Variants in RNF135 observed in about 807,000 individuals in gnomAD.
RNF135 encodes ring finger protein 135, also known as E3 ubiquitin-protein ligase RNF135.
Under a neutral mutation model 41.9 loss-of-function variants are expected in RNF135, and 46 were observed. The observed-to-expected ratio is 1.10, with a 90% CI of 0.87 to 1.40. RNF135 has a LOEUF of 1.40. RNF135 is among the 40% of genes most tolerant of loss of function. The pLI, the probability that RNF135 is intolerant of heterozygous loss-of-function variation, is 0.00. For missense variants in RNF135, 539 were observed against 549.8 expected (o/e 0.98, Z 0.20); for synonymous variants, 238 against 223.8 (o/e 1.06, Z -0.57).
At chr17:30,960,126 G>C in the RNF135 span, among the ~76,000 whole-genome samples, 1 of 152,090 alleles carries the variant, frequency 6.6e-6, no homozygotes, top group Non-Finnish European at 1.5e-5. Flanking sequence ...GGGCACGGTG[G>C]CTCACGCCTA....
chr17:30,998,709 G>A lies in RNF135; in HGVS notation c.817G>A (p.Glu273Lys), dbSNP rs1567751133. The A allele has an allele frequency of 6.2e-7, 1 of 1,613,836 alleles. No individual in the cohort carries two copies. The highest frequency in any genetic ancestry group is 1.7e-5 in the Admixed American group (1 of 59,942). Residue 273 changes from glutamate to lysine, a missense_variant, in exon 5 of 5, where the codon GAG becomes AAG. Coordinates refer to ENST00000328381, the MANE Select transcript of RNF135 (RefSeq NM_032322.4). ...CTTGAAGAGCCTTTCCTGCAGCCTG[G>A]AGGTGTCCAAGGATTCCCGTACAGT... ...FNLKSLSCSLEVSKDSRTVTV... is the reference protein window; with the variant it reads ...FNLKSLSCSLKVSKDSRTVTV...
intron 1 of RNF135, chr17:30,975,763 A>G: frequency 8.6e-7 from 1 of 1,169,544 alleles, no homozygotes; most frequent in Non-Finnish European, 1.3e-6. Flanking sequence ...GTCATCGGGT[A>G]CCCTCTTTCC....
chr17:30,984,862 A>AAAGATTGAGACTTATT, intron 2 of RNF135, 102 bp downstream of exon 2: 3 of 1,257,994 alleles, frequency 2.4e-6, no homozygotes, highest in Non-Finnish European at 3.5e-6. Flanking sequence ...GGATACAATA[A>AAAGATTGAGACTTATT]GTCTCAATCT....
chr17:30,994,062 C>G (rs1170549547), intron 3 of RNF135, among the ~76,000 whole-genome samples: 1 of 152,196 alleles, frequency 6.6e-6, no homozygotes, highest in Admixed American at 6.5e-5. Flanking sequence ...GCCTCAACCT[C>G]CCAAAGTTGT....
At chr17:30,982,132 G>A (rs545418796) in intron 1 of RNF135, among the ~76,000 whole-genome samples, 1 of 152,328 alleles carries the variant, frequency 6.6e-6, no homozygotes, top group South Asian at 2.1e-4. Flanking sequence ...CCTTCATGGT[G>A]GCACATTCAC....
the RNF135 span, among the ~76,000 whole-genome samples, chr17:30,963,936 G>A: frequency 9.2e-5 from 14 of 152,114 alleles, no homozygotes; most frequent in African/African-American, 2.9e-4. Flanking sequence ...ACAGCATAGC[G>A]TTCAAGATCT....
In RNF135 at chr17:30,971,305, C is replaced by A. The variant is rs1475624087; in HGVS notation, c.232C>A (p.Leu78Met). The A allele has an allele frequency of 3.3e-6, 5 of 1,533,640 alleles. No individual in the cohort carries two copies. The highest frequency in any genetic ancestry group is 4.4e-6 in the Non-Finnish European group (5 of 1,143,474). The stretch of plus-strand genomic sequence containing the variant: ...GCCGCACCTGCGGAAGAACACGCTA[C>A]TGCAGGACCTGGCCGACAAGTACCG... ...QQPHLRKNTL[L>M]QDLADKYRRA... The change falls in exon 1 of 5, where the codon CTG becomes ATG. Residue 78 changes from leucine to methionine, a missense_variant. Leu to Met is a conservative substitution (Grantham distance 15, BLOSUM62 2). Transcript: ENST00000328381.
intron 1 of RNF135, among the ~76,000 whole-genome samples, chr17:30,976,352 A>G (rs968537397): frequency 8.5e-5 from 13 of 152,182 alleles, no homozygotes; most frequent in Admixed American, 1.3e-4. Context: ...GTGACCTGAC[A>G]TATGTTAGGT....
intron 1 of RNF135, 60 bp downstream of exon 1, chr17:30,971,505 T>C (rs904073349): frequency 2.1e-6 from 3 of 1,424,804 alleles, no homozygotes; most frequent in Non-Finnish European, 2.7e-6. Flanking sequence ...GCCTGACCCT[T>C]TCCCATGTGG....
chr17:30,971,255 C>T lies in RNF135; in HGVS notation c.182C>T (p.Thr61Ile). Residue 61 changes from threonine to isoleucine, a missense_variant, in exon 1 of 5, where the codon ACT becomes ATT. This residue lies in a region of RNF135 where 277 missense variants were observed against 212.8 expected (regional missense o/e 1.30). Transcript: ENST00000328381. Reference sequence around the variant, plus strand: ...GACGCCCGCCGCTGGGCCTGCCCCACTTGCCGCCAGGGCGCCGCGCAGCAG... The same window carrying T: ...GACGCCCGCCGCTGGGCCTGCCCCATTTGCCGCCAGGGCGCCGCGCAGCAG... ...ARDARRWACPTCRQGAAQQPH... is the reference protein window; with the variant it reads ...ARDARRWACPICRQGAAQQPH... 2.0e-6 allele frequency: 3 copies of T among 1,522,450 alleles called. No individual in the cohort carries two copies. The highest frequency in any genetic ancestry group is 2.6e-6 in the Non-Finnish European group (3 of 1,140,166). The allele number at this position is 1,522,450 out of a possible 1,614,324, so 94.3% of individuals were successfully genotyped here. A position where few individuals can be genotyped will look rare whatever the true frequency, so the allele number is the denominator to read the frequency against.
At chr17:30,979,534 C>CCCG (rs1555573172) in intron 1 of RNF135, among the ~76,000 whole-genome samples, 2 of 52,592 alleles carry the variant, frequency 3.8e-5, no homozygotes, top group Admixed American at 2.7e-4. Flanking sequence ...GCTGGCCGAC[C>CCCG]CCCCCCCCCC....
chr17:30,983,683 C>T (rs1448943649), intron 1 of RNF135, among the ~76,000 whole-genome samples: 2 of 151,656 alleles, frequency 1.3e-5, no homozygotes, highest in Non-Finnish European at 2.9e-5. Flanking sequence ...AGCCACCATT[C>T]TGTCTTCCAT....
At chr17:30,966,487 A>C (rs1275703445), upstream of RNF135, among the ~76,000 whole-genome samples, 1 of 142,950 alleles carries the variant, frequency 7.0e-6, no homozygotes, top group East Asian at 2.0e-4. Context: ...TTGTAACACA[A>C]GTGTTTCAAA....
chr17:30,972,669 T>A (rs1906096104), intron 1 of RNF135: 1 of 152,286 alleles, frequency 6.6e-6, no homozygotes, highest in South Asian at 2.1e-4. Flanking sequence ...CTGGTTTCTT[T>A]CACTTAGCAT....
intron 1 of RNF135, chr17:30,973,001 CTTGACCTTGTGA>C (rs1567736467): frequency 6.6e-6 from 1 of 152,210 alleles, no homozygotes; most frequent in African/African-American, 2.4e-5. Flanking sequence ...GTCTCGATCT[CTTGACCTTGTGA>C]TCTGCCCACC....
Position 30,971,877 on chromosome 17 carries a change from C to T in RNF135, c.372+432C>T, listed in dbSNP as rs557655892. 11 of 241,430 alleles carry T rather than the reference C, an allele frequency of 4.6e-5. No individual in the cohort carries two copies. The East Asian group carries it at 1.8e-3, about 39-fold the overall frequency. The allele number at this position is 241,430 out of a possible 1,614,324, so 15.0% of individuals were successfully genotyped here. ...CGTGATCTCGGCTCACTGCAACCTC[C>T]GCCCCCCAGGGTCGAGTGATTCTCT... On this transcript the variant is annotated intron_variant, in intron 1 of 4. Coordinates refer to ENST00000328381, the MANE Select transcript of RNF135 (RefSeq NM_032322.4).
intron 1 of RNF135, chr17:30,972,603 TG>T (rs1567736240): frequency 6.6e-6 from 1 of 152,292 alleles, no homozygotes; most frequent in South Asian, 2.1e-4. Flanking sequence ...TATCTGAGTT[TG>T]CCTGTTCTAG....
chr17:30,985,091 C>G (rs565554182), intron 2 of RNF135, among the ~76,000 whole-genome samples: 69 of 152,286 alleles, frequency 4.5e-4, no homozygotes, highest in Admixed American at 3.3e-4. Flanking sequence ...GTGGACCACA[C>G]CTTCATTCTT....
chr17:30,984,830 C>G, intron 2 of RNF135, 70 bp downstream of exon 2: 1 of 1,498,044 alleles, frequency 6.7e-7, no homozygotes, highest in Non-Finnish European at 9.3e-7. Context: ...ACTGGAACAA[C>G]ATGAACATAT....
Sources: gnomAD v4.1 joint callset for allele counts (sites outside exome capture counted in the v4.1 genomes callset) on GRCh38, gnomAD v4.1.1 for gene constraint, gnomAD v4.1.1 regional missense constraint, MANE v1.5 for transcripts, NCBI Gene and HGNC (gene_info 2026-07-23, HGNC 2026-07-21) for gene names.